SAMD12: variants seen among roughly 807,000 people sequenced by gnomAD.
SAMD12 encodes sterile alpha motif domain-containing protein 12.
SAMD12 carries 9 observed loss-of-function variants against 15.0 expected under a neutral mutation model. That is an observed-to-expected ratio of 0.60 (90% CI 0.36 to 1.05). SAMD12 has a LOEUF of 1.05. SAMD12 is among the 50% of genes least tolerant of loss of function. SAMD12 has a pLI of 0.01. For missense variants in SAMD12, 230 were observed against 234.2 expected, an observed-to-expected ratio of 0.98 and a Z score of 0.12; for synonymous variants, 86 against 90.1, an observed-to-expected ratio of 0.96 and a Z score of 0.25.
the SAMD12 span, among the ~76,000 whole-genome samples, chr8:118,139,412 G>A: frequency 6.6e-6 from 1 of 152,120 alleles, no homozygotes; most frequent in African/African-American, 2.4e-5. Context: ...AGCCTAGAGG[G>A]CAGTGGCACG....
chr8:118,263,797 GACA>G (rs1813137964), intron 4 of SAMD12, among the ~76,000 whole-genome samples: 1 of 152,036 alleles, frequency 6.6e-6, no homozygotes, highest in South Asian at 2.1e-4. Context: ...TAGTGATGTG[GACA>G]GCAATTGGCC....
chr8:118,179,526 A>C, the SAMD12 span, among the ~76,000 whole-genome samples: 4 of 151,840 alleles, frequency 2.6e-5, no homozygotes, highest in Non-Finnish European at 5.9e-5. Flanking sequence ...TAGTATTTGG[A>C]ATAGGAGATG....
At chr8:118,162,761 A>G in the SAMD12 span, among the ~76,000 whole-genome samples, 1 of 152,188 alleles carries the variant, frequency 6.6e-6, no homozygotes, top group East Asian at 1.9e-4. Context: ...GAGAATGAGA[A>G]AAGAGTGAAA....
chr8:118,222,693 C>T (rs113634100), intron 4 of SAMD12, among the ~76,000 whole-genome samples: 253 of 152,058 alleles, frequency 1.7e-3, no homozygotes, highest in African/African-American at 5.9e-3. Flanking sequence ...TTAATAGAGA[C>T]GGGGTTTCAC....
At chr8:118,499,843 C>G (rs1036572922) in intron 2 of SAMD12, among the ~76,000 whole-genome samples, 10 of 152,142 alleles carry the variant, frequency 6.6e-5, no homozygotes, top group Admixed American at 3.9e-4. Context: ...TCTTAGTCCT[C>G]AAGAGAATCA....
chr8:118,487,111 C>T (rs1402495722), intron 2 of SAMD12, among the ~76,000 whole-genome samples: 1 of 152,144 alleles, frequency 6.6e-6, no homozygotes, highest in Non-Finnish European at 1.5e-5. Flanking sequence ...GTGGGGCAAA[C>T]AGAATCCCCA....
chr8:118,362,349 T>C (rs1429485245), intron 4 of SAMD12, among the ~76,000 whole-genome samples: 3 of 152,106 alleles, frequency 2.0e-5, no homozygotes, highest in African/African-American at 7.2e-5. Flanking sequence ...AAAACAAAGG[T>C]CAATAAAATT....
chr8:118,243,412 C>CT (rs1392967574), intron 4 of SAMD12, among the ~76,000 whole-genome samples: 2 of 152,080 alleles, frequency 1.3e-5, no homozygotes, highest in Admixed American at 1.3e-4. Context: ...TAACTCAACT[C>CT]TGTGCACCTG....
chr8:118,457,983 C>A (rs1426444998), intron 2 of SAMD12, among the ~76,000 whole-genome samples: 1 of 152,234 alleles, frequency 6.6e-6, no homozygotes, highest in Non-Finnish European at 1.5e-5. Flanking sequence ...CTGAGCAATA[C>A]TCACTTGGCT....
At chr8:118,556,950 C>T (rs867073007) in intron 2 of SAMD12, among the ~76,000 whole-genome samples, 9 of 149,850 alleles carry the variant, frequency 6.0e-5, no homozygotes, top group Admixed American at 5.3e-4. Flanking sequence ...GGCGACAGTG[C>T]GAGACTCCAT....
At chr8:118,591,565 TTAAA>T (rs1053566322) in intron 1 of SAMD12, among the ~76,000 whole-genome samples, 52 of 152,004 alleles carry the variant, frequency 3.4e-4, no homozygotes, top group Non-Finnish European at 6.9e-4. Flanking sequence ...TTAATAACAG[TTAAA>T]TAAACAAAAT....
chr8:118,154,600 G>T, the SAMD12 span, among the ~76,000 whole-genome samples: 2 of 152,136 alleles, frequency 1.3e-5, no homozygotes, highest in East Asian at 3.8e-4. Flanking sequence ...CCTGGAAGTT[G>T]TTCTTTCTCT....
At chr8:118,255,635 G>A (rs1812920047) in intron 4 of SAMD12, among the ~76,000 whole-genome samples, 1 of 150,826 alleles carries the variant, frequency 6.6e-6, no homozygotes. Flanking sequence ...ATAGTTTACT[G>A]AGAATGATGA....
At chr8:118,601,425 CTCT>C (rs1288971361) in intron 1 of SAMD12, among the ~76,000 whole-genome samples, 3 of 152,060 alleles carry the variant, frequency 2.0e-5, no homozygotes, top group Admixed American at 6.6e-5. Context: ...TAGACAGTGA[CTCT>C]TCTTTGTTTA....
At chr8:118,306,736 A>T (rs527993531) in intron 4 of SAMD12, among the ~76,000 whole-genome samples, 1 of 152,252 alleles carries the variant, frequency 6.6e-6, no homozygotes, top group East Asian at 1.9e-4. Flanking sequence ...CTGAATCCTA[A>T]CCGATTCAGG....
At chr8:118,526,723 G>A (rs1563909939) in intron 2 of SAMD12, among the ~76,000 whole-genome samples, 1 of 152,294 alleles carries the variant, frequency 6.6e-6, no homozygotes, top group East Asian at 1.9e-4. Flanking sequence ...AGAAGAGACA[G>A]TCTGGCAGGG....
chr8:118,443,985 C>T (rs1319606805), intron 2 of SAMD12, among the ~76,000 whole-genome samples: 1 of 152,194 alleles, frequency 6.6e-6, no homozygotes, highest in Non-Finnish European at 1.5e-5. Context: ...AGAGGCAGAG[C>T]TGTCAATGCC....
intron 1 of SAMD12, among the ~76,000 whole-genome samples, chr8:118,595,924 T>C (rs1310500258): frequency 3.3e-5 from 5 of 152,244 alleles, no homozygotes; most frequent in African/African-American, 9.6e-5. Flanking sequence ...CCTCCCCTTA[T>C]GGCAGAGTGT....
intron 2 of SAMD12, among the ~76,000 whole-genome samples, chr8:118,555,612 A>G (rs950389617): frequency 1.3e-5 from 2 of 152,220 alleles, no homozygotes; most frequent in Non-Finnish European, 2.9e-5. Flanking sequence ...AACCAAATCA[A>G]TATTTAAAAA....
Sources: gnomAD v4.1 joint callset for allele counts (sites outside exome capture counted in the v4.1 genomes callset) on GRCh38, gnomAD v4.1.1 for gene constraint, MANE v1.5 for transcripts, NCBI Gene and HGNC (gene_info 2026-07-23, HGNC 2026-07-21) for gene names.